Variants in SMYD3 observed in about 807,000 individuals in gnomAD.
The protein encoded by SMYD3 is histone-lysine N-methyltransferase SMYD3.
Under a neutral mutation model 57.7 loss-of-function variants are expected in SMYD3, and 36 were observed. The ratio of observed to expected loss-of-function variants is 0.62; its 90% CI spans 0.48 to 0.82. The LOEUF (loss-of-function observed/expected upper bound fraction) is 0.82, where lower values mean the gene tolerates loss of function less well. Among genes scored for constraint, SMYD3 ranks in the 40% least tolerant of loss-of-function variants. The probability of loss-of-function intolerance (pLI) is 0.00; values close to 1 mark genes in which losing one functional copy is unlikely to be tolerated. For missense variants in SMYD3, 515 were observed against 538.8 expected (o/e 0.96, Z 0.44); for synonymous variants, 211 against 195.0 (o/e 1.08, Z -0.68).
At chr1:246,291,767 T>C (rs2064695343) in intron 5 of SMYD3, among the ~76,000 whole-genome samples, 1 of 152,204 alleles carries the variant, frequency 6.6e-6, no homozygotes, top group Admixed American at 6.5e-5. Context: ...GGAAGCTAAT[T>C]ACAGTAGAAA....
At chr1:245,856,540 A>G (rs949205107) in intron 10 of SMYD3, among the ~76,000 whole-genome samples, 1 of 152,204 alleles carries the variant, frequency 6.6e-6, no homozygotes, top group Non-Finnish European at 1.5e-5. Context: ...CCTCACTTAC[A>G]AGAAAGGCCT....
intron 5 of SMYD3, among the ~76,000 whole-genome samples, chr1:246,299,665 A>G (rs1015754682): frequency 2.0e-5 from 3 of 152,188 alleles, no homozygotes; most frequent in Admixed American, 6.5e-5. Context: ...GCCATAAAAA[A>G]GGAGATGGTA....
At chr1:246,155,980 A>C (rs1247956372) in intron 5 of SMYD3, among the ~76,000 whole-genome samples, 1 of 151,304 alleles carries the variant, frequency 6.6e-6, no homozygotes, top group African/African-American at 2.4e-5. Context: ...GAGCGAGACT[A>C]TGTCTTCAAA....
At chr1:245,814,288 C>T in intron 10 of SMYD3, 1 of 776,780 alleles carries the variant, frequency 1.3e-6, no homozygotes, top group South Asian at 5.8e-5. Flanking sequence ...ATAGCTACCT[C>T]CAATTATCCA....
At chr1:245,835,887 G>C (rs4654129) in intron 10 of SMYD3, among the ~76,000 whole-genome samples, 3 of 152,106 alleles carry the variant, frequency 2.0e-5, no homozygotes, top group Non-Finnish European at 4.4e-5. Flanking sequence ...GTTCTCCGTC[G>C]ACGTGACTTG....
At chr1:246,228,261 C>T (rs997879815) in intron 5 of SMYD3, among the ~76,000 whole-genome samples, 2 of 152,130 alleles carry the variant, frequency 1.3e-5, no homozygotes, top group Admixed American at 6.5e-5. Flanking sequence ...TGAGCCACTG[C>T]GCCCGGCCTC....
chr1:245,922,281 G>A (rs557724449), intron 7 of SMYD3, among the ~76,000 whole-genome samples: 2 of 152,260 alleles, frequency 1.3e-5, no homozygotes, highest in Non-Finnish European at 2.9e-5. Context: ...CAGACTTAAA[G>A]GTACCTTCAT....
chr1:246,348,059 G>GTT (rs1199988373), intron 2 of SMYD3, among the ~76,000 whole-genome samples: 825 of 44,932 alleles, frequency 0.018, 28 homozygotes, highest in Non-Finnish European at 0.027. Flanking sequence ...TAAAGAAAAC[G>GTT]TTATATATAT....
intron 8 of SMYD3, among the ~76,000 whole-genome samples, chr1:245,866,305 T>C (rs2051838160): frequency 6.7e-6 from 1 of 149,850 alleles, no homozygotes; most frequent in Non-Finnish European, 1.5e-5. Flanking sequence ...TCTATGTGTA[T>C]GTGCTGTGTG....
chr1:246,274,257 C>T lies in SMYD3; in HGVS notation c.531+52944G>A, dbSNP rs1318938748. On this transcript the variant is annotated intron_variant, in intron 5 of 11. Transcript: ENST00000490107. Reference sequence around the variant, plus strand: ...TCAAGGTTACTGTTAGAGAACATATCGTGAGTCTAATGGTTAATTACTTCC... The same window carrying T: ...TCAAGGTTACTGTTAGAGAACATATTGTGAGTCTAATGGTTAATTACTTCC... 3.9e-5 allele frequency among the ~76,000 whole-genome samples: 6 copies of T among 152,296 alleles called. No homozygotes were observed. The South Asian group carries it at 6.2e-4, about 16-fold the overall frequency.
chr1:245,835,001 A>T (rs955978479), intron 10 of SMYD3, among the ~76,000 whole-genome samples: 6 of 152,114 alleles, frequency 3.9e-5, no homozygotes, highest in African/African-American at 1.4e-4. Context: ...AAGGGCAACT[A>T]TTCCTTTCAT....
At chr1:245,779,860 C>G (rs1196739792) in intron 10 of SMYD3, among the ~76,000 whole-genome samples, 1 of 152,090 alleles carries the variant, frequency 6.6e-6, no homozygotes, top group Non-Finnish European at 1.5e-5. Flanking sequence ...GTGAGATGGT[C>G]AAAAGATCTG....
At chr1:246,351,871 C>CAG (rs2065832925) in intron 2 of SMYD3, among the ~76,000 whole-genome samples, 1 of 152,028 alleles carries the variant, frequency 6.6e-6, no homozygotes, top group South Asian at 2.1e-4. Flanking sequence ...TGCGGTGGCT[C>CAG]ACGGCTATAA....
chr1:246,194,458 A>G (rs1409609874), intron 5 of SMYD3, among the ~76,000 whole-genome samples: 1 of 152,082 alleles, frequency 6.6e-6, no homozygotes, highest in Non-Finnish European at 1.5e-5. Flanking sequence ...TAGTAGAGAC[A>G]GGGTTTCACT....
intron 5 of SMYD3, among the ~76,000 whole-genome samples, chr1:246,025,266 G>A (rs1406061321): frequency 1.0e-4 from 14 of 135,450 alleles, no homozygotes; most frequent in Middle Eastern, 4.7e-3. Flanking sequence ...ATCTAGGAAG[G>A]GAGATACAGC....
rs538361938 is a variant in SMYD3, at chr1:246,261,562, T to C, written c.531+65639A>G. Reference sequence around the variant, plus strand: ...TTTAAACAATCACACATAAAATAATTGGTGTAGAAGTCAAAATTTTTTAAA... The same window carrying C: ...TTTAAACAATCACACATAAAATAATCGGTGTAGAAGTCAAAATTTTTTAAA... On this transcript the variant is annotated intron_variant, in intron 5 of 11. Transcript: ENST00000490107. Among the ~76,000 whole-genome samples, 4 of 152,118 alleles carry C rather than the reference T, an allele frequency of 2.6e-5. No homozygotes were observed. In the South Asian group the frequency reaches 8.3e-4, roughly 32 times the overall value.
intron 5 of SMYD3, among the ~76,000 whole-genome samples, chr1:246,104,343 C>T (rs560072363): frequency 2.6e-5 from 4 of 152,208 alleles, no homozygotes; most frequent in Admixed American, 1.3e-4. Flanking sequence ...GTGAAACATC[C>T]CTGGTATACA....
At chr1:246,095,398 G>T (rs2060897271) in intron 5 of SMYD3, among the ~76,000 whole-genome samples, 2 of 152,208 alleles carry the variant, frequency 1.3e-5, no homozygotes, top group African/African-American at 2.4e-5. Context: ...AGTGCACACA[G>T]GGGCAAACAA....
chr1:246,013,536 A>G lies in SMYD3; in HGVS notation c.532-83599T>C, dbSNP rs2185071. Among the ~76,000 whole-genome samples the G allele has an allele frequency of 1.0e-3, 155 of 152,234 alleles. 1 individual carries two copies. Among genetic ancestry groups the G allele is most frequent in the Admixed American group, 9.3e-3 (142 of 15,292 alleles). The stretch of plus-strand genomic sequence containing the variant: ...TGTGGTTTCTAGCCTATAATGTAAC[A>G]GTTATTGGTTTGATATGTTACATTT... On this transcript the variant is annotated intron_variant, in intron 5 of 11. Transcript: ENST00000490107.
Sources: allele counts gnomAD v4.1 joint callset (sites outside exome capture counted in the v4.1 genomes callset), GRCh38; gene constraint gnomAD v4.1.1; transcripts MANE v1.5; gene names NCBI Gene and HGNC (gene_info 2026-07-23, HGNC 2026-07-21).